The following FNDC3A variants were observed in gnomAD, a reference collection of about 807,000 sequenced individuals.
FNDC3A encodes the protein fibronectin type III domain containing 3A.
Under a neutral mutation model 148.9 loss-of-function variants are expected in FNDC3A, and 32 were observed. The observed-to-expected ratio is 0.21, with a 90% CI of 0.16 to 0.29. The LOEUF (loss-of-function observed/expected upper bound fraction) is 0.29. Ranked by LOEUF, FNDC3A falls within the 10% of genes least tolerant of loss-of-function variation. The probability of loss-of-function intolerance (pLI) is 1.00; values close to 1 mark genes in which losing one functional copy is unlikely to be tolerated. For missense variants in FNDC3A, 1,191 were observed against 1,452.8 expected (o/e 0.82, Z 2.93); for synonymous variants, 472 against 473.6 (o/e 1.00, Z 0.04).
chr13:49,171,955 A>G (rs1404926951), intron 10 of FNDC3A, 88 bp from the exon 11 acceptor site: 1 of 913,976 alleles, frequency 1.1e-6, no homozygotes, highest in Non-Finnish European at 1.7e-6. Flanking sequence ...CATCTGCCAC[A>G]TAAACTAGAT....
At chr13:49,188,721 CAT>C in intron 17 of FNDC3A, 88 bp downstream of exon 17, 2 of 806,166 alleles carry the variant, frequency 2.5e-6, no homozygotes, top group Non-Finnish European at 4.3e-6. Flanking sequence ...AATATTGAAA[CAT>C]ATCCACAAAT....
At chr13:49,003,351 C>T (rs184334532) in intron 1 of FNDC3A, among the ~76,000 whole-genome samples, 17 of 152,292 alleles carry the variant, frequency 1.1e-4, no homozygotes, top group Non-Finnish European at 2.2e-4. Context: ...AGGCATGAAC[C>T]ACTGCACCCG....
intron 5 of FNDC3A, among the ~76,000 whole-genome samples, chr13:49,135,725 C>A (rs962646490): frequency 6.6e-6 from 1 of 152,032 alleles, no homozygotes. Context: ...AGCATAATGA[C>A]TTAATTATGT....
chr13:49,196,719 CTTT>C (rs1886172983), intron 19 of FNDC3A, among the ~76,000 whole-genome samples, 155 bp from the exon 20 acceptor site: 1 of 152,048 alleles, frequency 6.6e-6, no homozygotes, highest in Non-Finnish European at 1.5e-5. Context: ...ATTTTTAAGT[CTTT>C]TTAGTTAATG....
intron 1 of FNDC3A, among the ~76,000 whole-genome samples, chr13:48,983,787 TG>T (rs1325004907): frequency 6.6e-6 from 1 of 152,176 alleles, no homozygotes; most frequent in Non-Finnish European, 1.5e-5. Context: ...TATCACCAAA[TG>T]TCATAGAGTA....
intron 3 of FNDC3A, among the ~76,000 whole-genome samples, chr13:49,104,749 C>T (rs1384136750): frequency 1.3e-5 from 2 of 152,100 alleles, no homozygotes; most frequent in Non-Finnish European, 2.9e-5. Flanking sequence ...GTTGGTTATC[C>T]ATTTGGATTA....
chr13:49,122,268 G>A (rs1029832966), intron 4 of FNDC3A, among the ~76,000 whole-genome samples: 1 of 152,048 alleles, frequency 6.6e-6, no homozygotes, highest in African/African-American at 2.4e-5. Flanking sequence ...TATCTCAATA[G>A]ACACAGAAAA....
intron 17 of FNDC3A, among the ~76,000 whole-genome samples, chr13:49,189,443 A>C (rs1187111348): frequency 6.6e-6 from 1 of 151,684 alleles, no homozygotes; most frequent in Non-Finnish European, 1.5e-5. Flanking sequence ...AGCCTCCCAC[A>C]GTGCTGGGAT....
At chr13:49,040,333 C>T (rs1874828899) in intron 2 of FNDC3A, among the ~76,000 whole-genome samples, 1 of 152,190 alleles carries the variant, frequency 6.6e-6, no homozygotes, top group Non-Finnish European at 1.5e-5. Context: ...TAATTTTTAT[C>T]AATTGCCTAC....
chr13:48,980,974 A>G (rs1951684578), intron 1 of FNDC3A, among the ~76,000 whole-genome samples: 1 of 152,162 alleles, frequency 6.6e-6, no homozygotes, highest in Non-Finnish European at 1.5e-5. Flanking sequence ...AAAACCAACC[A>G]AACAAAATCA....
intron 3 of FNDC3A, among the ~76,000 whole-genome samples, chr13:49,083,217 G>A (rs574302641): frequency 6.6e-6 from 1 of 152,302 alleles, no homozygotes; most frequent in East Asian, 1.9e-4. Flanking sequence ...ATCAGCACCT[G>A]TAGGAGTGAT....
At chr13:49,143,001 G>A (rs1882775112) in intron 7 of FNDC3A, among the ~76,000 whole-genome samples, 1 of 152,086 alleles carries the variant, frequency 6.6e-6, no homozygotes, top group Admixed American at 6.5e-5. Context: ...CTGAGTAGCT[G>A]GGATTACAGG....
chr13:49,162,868 C>T (rs1252731618), intron 8 of FNDC3A, among the ~76,000 whole-genome samples: 2 of 151,792 alleles, frequency 1.3e-5, no homozygotes, highest in South Asian at 2.1e-4. Flanking sequence ...CAGTCAGGTC[C>T]CTCAGCTGCA....
intron 3 of FNDC3A, among the ~76,000 whole-genome samples, chr13:49,096,110 A>G (rs539421082): frequency 6.6e-6 from 1 of 152,258 alleles, no homozygotes; most frequent in South Asian, 2.1e-4. Flanking sequence ...TTCTTCCTGT[A>G]TCTAGAGAAG....
At chr13:49,109,627 G>A (rs1880418121) in intron 3 of FNDC3A, among the ~76,000 whole-genome samples, 1 of 152,156 alleles carries the variant, frequency 6.6e-6, no homozygotes, top group Non-Finnish European at 1.5e-5. Context: ...CTTGGATAGA[G>A]AACTCTGAAC....
chr13:49,068,289 G>A (rs1034806395), intron 2 of FNDC3A, among the ~76,000 whole-genome samples: 30 of 152,158 alleles, frequency 2.0e-4, no homozygotes, highest in African/African-American at 6.5e-4. Context: ...GATTGAGCCC[G>A]GGAGGTCAAG....
At chr13:49,095,715 T>C (rs1039173377) in intron 3 of FNDC3A, among the ~76,000 whole-genome samples, 12 of 152,088 alleles carry the variant, frequency 7.9e-5, no homozygotes, top group African/African-American at 2.9e-4. Flanking sequence ...TAGTAACTTC[T>C]ACCACATTTT....
At chr13:49,060,397 A>G (rs972081049) in intron 2 of FNDC3A, among the ~76,000 whole-genome samples, 7 of 152,188 alleles carry the variant, frequency 4.6e-5, no homozygotes, top group African/African-American at 1.4e-4. Flanking sequence ...TAATCCCAGC[A>G]CTTTGGAAGG....
chr13:49,116,182 T>C (rs1880945845), intron 4 of FNDC3A, among the ~76,000 whole-genome samples: 1 of 152,234 alleles, frequency 6.6e-6, no homozygotes, highest in South Asian at 2.1e-4. Flanking sequence ...CCTATCCTTT[T>C]CATTTCACTT....
Sources: gnomAD v4.1 joint callset for allele counts (sites outside exome capture counted in the v4.1 genomes callset) on GRCh38, gnomAD v4.1.1 for gene constraint, MANE v1.5 for transcripts, NCBI Gene and HGNC (gene_info 2026-07-23, HGNC 2026-07-21) for gene names.